The following TBC1D12 variants were observed in gnomAD, a reference collection of about 807,000 sequenced individuals.
The protein encoded by TBC1D12 is TBC1 domain family, member 12.
Under a neutral mutation model 86.7 loss-of-function variants are expected in TBC1D12, and 56 were observed. The ratio of observed to expected loss-of-function variants is 0.65; its 90% CI spans 0.52 to 0.81. The LOEUF is 0.81. TBC1D12 is among the 30% of genes least tolerant of loss of function. The probability of loss-of-function intolerance (pLI) is 0.00; values close to 1 mark genes in which losing one functional copy is unlikely to be tolerated. For missense variants in TBC1D12, 1,023 were observed against 1,038.8 expected (o/e 0.98, Z 0.21); for synonymous variants, 421 against 411.7 (o/e 1.02, Z -0.27).
At chr10:94,525,745 C>A (rs1268344014) in intron 11 of TBC1D12, among the ~76,000 whole-genome samples, 1 of 149,190 alleles carries the variant, frequency 6.7e-6, no homozygotes, top group Non-Finnish European at 1.5e-5. Flanking sequence ...AAGTTAATTT[C>A]TTAAGCTATG....
intron 2 of TBC1D12, among the ~76,000 whole-genome samples, chr10:94,469,037 A>G (rs2134136131): frequency 6.6e-6 from 1 of 152,354 alleles, no homozygotes; most frequent in African/African-American, 2.4e-5. Context: ...AATTAGCTCC[A>G]AAGAAAAAAT....
chr10:94,439,850 A>G (rs1164140057), intron 1 of TBC1D12, among the ~76,000 whole-genome samples: 1 of 152,262 alleles, frequency 6.6e-6, no homozygotes, highest in Non-Finnish European at 1.5e-5. Flanking sequence ...AATGATAGCC[A>G]TAAATAAGAT....
chr10:94,531,165 G>A, intron 11 of TBC1D12, 37 bp from the exon 12 acceptor site: 1 of 1,587,382 alleles, frequency 6.3e-7, no homozygotes. Context: ...GTCAATGAAT[G>A]AAAAATTTCA....
chr10:94,528,758 G>A (rs1279882257), intron 11 of TBC1D12, among the ~76,000 whole-genome samples: 1 of 151,178 alleles, frequency 6.6e-6, no homozygotes, highest in Non-Finnish European at 1.5e-5. Context: ...GGAGGCAGAG[G>A]TTGCAGTGAG....
chr10:94,422,349 C>T (rs2055086977), intron 1 of TBC1D12, among the ~76,000 whole-genome samples: 1 of 151,314 alleles, frequency 6.6e-6, no homozygotes, highest in Non-Finnish European at 1.5e-5. Flanking sequence ...GCCACCACAC[C>T]CAGCCAATTT....
At chr10:94,435,923 A>C (rs1397340509) in intron 1 of TBC1D12, among the ~76,000 whole-genome samples, 3 of 152,136 alleles carry the variant, frequency 2.0e-5, no homozygotes, top group African/African-American at 7.2e-5. Context: ...TTTATTACAC[A>C]ATCTTTCCTC....
At chr10:94,420,017 A>G (rs531726502) in intron 1 of TBC1D12, among the ~76,000 whole-genome samples, 2 of 152,328 alleles carry the variant, frequency 1.3e-5, no homozygotes, top group Admixed American at 6.5e-5. Flanking sequence ...GCAGTGGAAT[A>G]TATTGCTGTG....
rs1016435683 is a variant in TBC1D12, at chr10:94,503,704, A to T, written c.1519+3377A>T. ...CAGTGGTGCTCTCTCAGCTCACTGCAGCCCCTGCCTCCTGGGTTCAAGCAG... is the reference window on the plus strand; with the variant it reads ...CAGTGGTGCTCTCTCAGCTCACTGCTGCCCCTGCCTCCTGGGTTCAAGCAG... On this transcript the variant is annotated intron_variant, in intron 6 of 12. Transcript: ENST00000225235. Among the ~76,000 whole-genome samples the T allele has an allele frequency of 2.8e-4, 42 of 152,214 alleles. 1 individual carries two copies. Among genetic ancestry groups the T allele is most frequent in the African/African-American group, 8.2e-4 (34 of 41,534 alleles).
At chr10:94,517,619 T>C (rs1842033476) in intron 9 of TBC1D12, among the ~76,000 whole-genome samples, 1 of 152,208 alleles carries the variant, frequency 6.6e-6, no homozygotes, top group African/African-American at 2.4e-5. Flanking sequence ...ATAACTTAAC[T>C]GGTGGTATCA....
chr10:94,466,270 C>T (rs1471220320), intron 2 of TBC1D12, among the ~76,000 whole-genome samples: 1 of 151,998 alleles, frequency 6.6e-6, no homozygotes, highest in Non-Finnish European at 1.5e-5. Flanking sequence ...TTCTCTAAAA[C>T]TTTAAGAAAT....
At chr10:94,516,814 A>T (rs1842004900) in intron 9 of TBC1D12, among the ~76,000 whole-genome samples, 1 of 152,062 alleles carries the variant, frequency 6.6e-6, no homozygotes. Context: ...AATCATTAGA[A>T]TTGTTCACTT....
intron 3 of TBC1D12, among the ~76,000 whole-genome samples, chr10:94,478,336 T>C (rs1485327074): frequency 1.3e-5 from 2 of 152,154 alleles, no homozygotes; most frequent in Non-Finnish European, 2.9e-5. Context: ...CATTTCATCT[T>C]ATGTGAAGAG....
At chr10:94,442,248 A>T (rs117632951) in intron 2 of TBC1D12, among the ~76,000 whole-genome samples, 102 of 152,156 alleles carry the variant, frequency 6.7e-4, no homozygotes, top group Non-Finnish European at 1.3e-3. Flanking sequence ...TTCAAATAGA[A>T]CGTAGACTTT....
At chr10:94,466,939 T>C (rs2055833587) in intron 2 of TBC1D12, among the ~76,000 whole-genome samples, 1 of 152,180 alleles carries the variant, frequency 6.6e-6, no homozygotes, top group South Asian at 2.1e-4. Flanking sequence ...TTTAATGAAC[T>C]TGACACTTTT....
chr10:94,425,156 A>G (rs1031215238), intron 1 of TBC1D12, among the ~76,000 whole-genome samples: 4 of 152,210 alleles, frequency 2.6e-5, no homozygotes, highest in African/African-American at 4.8e-5. Flanking sequence ...TTGCAAGTCC[A>G]TCTTCAAGTT....
chr10:94,473,547 T>C (rs1439417974), intron 2 of TBC1D12, among the ~76,000 whole-genome samples: 1 of 152,178 alleles, frequency 6.6e-6, no homozygotes, highest in Non-Finnish European at 1.5e-5. Flanking sequence ...AAGTGAAATA[T>C]CTGACCACTT....
intron 1 of TBC1D12, among the ~76,000 whole-genome samples, chr10:94,425,472 A>T (rs745992775): frequency 2.6e-5 from 4 of 152,244 alleles, no homozygotes; most frequent in African/African-American, 9.6e-5. Flanking sequence ...ATCATGTTCA[A>T]TTAATTTCTC....
intron 5 of TBC1D12, among the ~76,000 whole-genome samples, chr10:94,498,476 C>T (rs1204906642): frequency 6.6e-6 from 1 of 151,958 alleles, no homozygotes; most frequent in East Asian, 1.9e-4. Flanking sequence ...TGTTTTGAGA[C>T]AGAGTCTCCC....
chr10:94,464,524 G>A (rs1054110476), intron 2 of TBC1D12, among the ~76,000 whole-genome samples: 2 of 152,076 alleles, frequency 1.3e-5, no homozygotes, highest in African/African-American at 2.4e-5. Flanking sequence ...GGAGTGCAGT[G>A]GTGCAGTCTT....
Sources: allele counts gnomAD v4.1 joint callset (sites outside exome capture counted in the v4.1 genomes callset), GRCh38; gene constraint gnomAD v4.1.1; transcripts MANE v1.5; gene names NCBI Gene and HGNC (gene_info 2026-07-23, HGNC 2026-07-21).